Variants in TTC5 observed in about 807,000 individuals in gnomAD.
The protein encoded by TTC5 is tetratricopeptide repeat protein 5.
A neutral mutation model predicts 57.4 loss-of-function variants in TTC5; 46 were observed. The observed-to-expected ratio is 0.80, with a 90% CI of 0.63 to 1.03. The LOEUF is 1.03. Ranked by LOEUF, TTC5 falls within the 50% of genes least tolerant of loss-of-function variation. TTC5 has a pLI of 0.00. For synonymous variants in TTC5, 190 were observed against 203.5 expected (o/e 0.93, Z 0.57); for missense variants, 504 against 528.1 (o/e 0.95, Z 0.45).
chr14:20,299,844 G>A (rs192325081), intron 3 of TTC5, among the ~76,000 whole-genome samples: 443 of 150,602 alleles, frequency 2.9e-3, no homozygotes, highest in Non-Finnish European at 5.5e-3. Context: ...GAGCCACCAC[G>A]CCTGGCCGTA....
At position 20,301,924 on chromosome 14, in the gene TTC5, G is replaced by A. The variant is rs140729593; in HGVS notation, c.93C>T (p.Phe31=). The A allele has an allele frequency of 1.9e-5, 30 of 1,613,892 alleles. No individual in the cohort carries two copies. Among genetic ancestry groups the A allele is most frequent in the African/African-American group, 9.3e-5 (7 of 74,870 alleles). The change falls in exon 2 of 10, where the codon TTC becomes TTT. Residue 31 remains phenylalanine, a synonymous_variant. Coordinates refer to ENST00000258821, the MANE Select transcript of TTC5 (RefSeq NM_138376.3). ...DQLYSFRDCY[F]ETHSVEDAGR... ...CAGCATCCTCAACACTATGTGTCTC[G>A]AAATAGCAGTCTCGAAATGAGTAGA...
chr14:20,300,006 T>G (rs1252146574), intron 3 of TTC5, among the ~76,000 whole-genome samples: 1 of 143,860 alleles, frequency 7.0e-6, no homozygotes, highest in Non-Finnish European at 1.5e-5. Flanking sequence ...GCCCATCTAA[T>G]TTTTGTATTT....
chr14:20,297,608 TAAAAATACAA>T (rs1291146915), intron 5 of TTC5, among the ~76,000 whole-genome samples: 2 of 151,954 alleles, frequency 1.3e-5, no homozygotes, highest in African/African-American at 4.8e-5. Flanking sequence ...CCGCCTCTAC[TAAAAATACAA>T]AAATTAGGCG....
rs757403603 is a variant in TTC5 at position 20,300,639 on chromosome 14, C to A, written c.364G>T (p.Ala122Ser). 3.1e-6 allele frequency: 5 copies of A among 1,613,406 alleles called. No homozygotes were observed. In the South Asian group the frequency reaches 5.5e-5, roughly 18 times the overall value. Residue 122 changes from alanine to serine, a missense_variant, in exon 3 of 10, where the codon GCC becomes TCC. Physicochemically the swap from Ala to Ser is moderately conservative, Grantham distance 99 (BLOSUM62 1). Coordinates refer to ENST00000258821, the MANE Select transcript of TTC5 (RefSeq NM_138376.3). Reference sequence around the variant, plus strand: ...AGGGCTCCTGAGAAGCAGGTGTGGGCAGCTGCAACATCCCCTTTTTTCCAG... The same window carrying A: ...AGGGCTCCTGAGAAGCAGGTGTGGGAAGCTGCAACATCCCCTTTTTTCCAG... ...VYWKKGDVAA[A>S]HTCFSGALTH...
rs1881837337 is a variant in TTC5, at chr14:20,286,343, T to G, written c.*3284A>C. On this transcript the variant is annotated 3_prime_UTR_variant, in exon 10 of 10. Coordinates refer to ENST00000258821, the MANE Select transcript of TTC5 (RefSeq NM_138376.3). ...AAATTGGACAAAAGAAAACAGAGAT[T>G]TCATAGAAAAAGAAACAGGAATGGA... 1 of 151,820 alleles carries G rather than the reference T, an allele frequency of 6.6e-6. No homozygotes were observed. Among genetic ancestry groups the G allele is most frequent in the Admixed American group, 6.6e-5 (1 of 15,240 alleles). 9.4% of individuals were successfully genotyped at this position (151,820 alleles called of 1,614,324 possible).
intron 8 of TTC5, chr14:20,294,681 T>C (rs1882024754): frequency 1.3e-5 from 2 of 151,554 alleles, no homozygotes; most frequent in South Asian, 4.2e-4. Context: ...AGGAAGTGAG[T>C]GAAGGACCAA....
intron 8 of TTC5, chr14:20,295,044 C>A: frequency 7.8e-6 from 3 of 386,154 alleles, no homozygotes; most frequent in Non-Finnish European, 1.4e-5. Flanking sequence ...AAAATATGTC[C>A]TGCCAAATTT....
intron 1 of TTC5, among the ~76,000 whole-genome samples, chr14:20,304,324 T>G (rs1882248201): frequency 6.6e-6 from 1 of 152,160 alleles, no homozygotes; most frequent in Non-Finnish European, 1.5e-5. Context: ...CTCTGCAAAT[T>G]TTATTGTATT....
intron 3 of TTC5, 113 bp downstream of exon 3, chr14:20,300,494 G>C: frequency 1.1e-6 from 1 of 870,472 alleles, no homozygotes; most frequent in Non-Finnish European, 1.7e-6. Context: ...TCCTGATTCT[G>C]TCCTAGTTCA....
At chr14:20,304,607 C>T (rs1882254699) in intron 1 of TTC5, among the ~76,000 whole-genome samples, 2 of 152,202 alleles carry the variant, frequency 1.3e-5, no homozygotes, top group Admixed American at 1.3e-4. Context: ...CGACCCCACC[C>T]CAAGATAACG....
Position 20,288,708 on chromosome 14 carries a change from A to G in TTC5, c.*919T>C, listed in dbSNP as rs1881890767. On this transcript the variant is annotated 3_prime_UTR_variant, in exon 10 of 10. Transcript: ENST00000258821. The stretch of plus-strand genomic sequence containing the variant: ...GGATTACAGGCTGAGCCACCGTGCC[A>G]GGCCAATTCAATTGGTTATTAATCC... The G allele has an allele frequency of 2.0e-5, 3 of 152,254 alleles. No homozygotes were observed. The highest frequency in any genetic ancestry group is 2.0e-4 in the Admixed American group (3 of 15,278). 9.4% of individuals were successfully genotyped at this position (152,254 alleles called of 1,614,324 possible). A position where few individuals can be genotyped will look rare whatever the true frequency, so the allele number is the denominator to read the frequency against.
At chr14:20,301,091 A>G (rs1298320235) in intron 2 of TTC5, among the ~76,000 whole-genome samples, 1 of 152,222 alleles carries the variant, frequency 6.6e-6, no homozygotes, top group Non-Finnish European at 1.5e-5. Context: ...AGAGGGGTTT[A>G]CAATCTAGTG....
At chr14:20,299,189 CT>C in intron 4 of TTC5, 108 bp downstream of exon 4, 1 of 1,247,430 alleles carries the variant, frequency 8.0e-7, no homozygotes, top group Non-Finnish European at 1.1e-6. Context: ...CAAAGATGCC[CT>C]CTCTGGCTTA....
intron 5 of TTC5, among the ~76,000 whole-genome samples, chr14:20,296,783 C>T (rs1267562165): frequency 6.6e-6 from 1 of 152,184 alleles, no homozygotes; most frequent in Non-Finnish European, 1.5e-5. Context: ...AAAGCCAAGG[C>T]TGGCAGATCA....
intron 2 of TTC5, among the ~76,000 whole-genome samples, chr14:20,301,588 G>A (rs1440298400): frequency 2.6e-5 from 4 of 152,220 alleles, no homozygotes; most frequent in Non-Finnish European, 5.9e-5. Flanking sequence ...ATTAGAGGCA[G>A]AAAGTCAGAT....
In TTC5 at chr14:20,295,428, C is replaced by A. The variant is rs1594263593; in HGVS notation, c.942G>T (p.Gly314=). Residue 314 remains glycine (G), a synonymous_variant, in exon 8 of 10, where the codon GGG becomes GGT. Transcript: ENST00000258821. ...GCTTGAGCTCCAGGGTCACTTTCTG[C>A]CCAGAGGCTGACTGATAGTGCCCAT... ...CSDGHYQSAS[G]QKVTLELKPL... 1 of 1,614,158 alleles carries A rather than the reference C, an allele frequency of 6.2e-7. No individual in the cohort carries two copies. The highest frequency in any genetic ancestry group is 2.2e-5 in the East Asian group (1 of 44,882).
At chr14:20,293,670 A>T (rs1364596479) in intron 8 of TTC5, 1 of 152,196 alleles carries the variant, frequency 6.6e-6, no homozygotes, top group Non-Finnish European at 1.5e-5. Flanking sequence ...CTATCTGGAG[A>T]AGTGATAAGG....
intron 4 of TTC5, 147 bp downstream of exon 4, chr14:20,299,151 C>G: frequency 2.2e-6 from 2 of 903,936 alleles, no homozygotes; most frequent in Non-Finnish European, 3.3e-6. Context: ...AAGTAGTTCC[C>G]CAAAATGTCT....
In TTC5 at chr14:20,301,912, A is replaced by G. The variant is rs2138818495; in HGVS notation, c.105T>C (p.Ser35=). The part of the protein sequence containing the change: ...SFRDCYFETH[S]VEDAGRKQQD... ...GTTGCTTCCTCCCAGCATCCTCAAC[A>G]CTATGTGTCTCGAAATAGCAGTCTC... The change falls in exon 2 of 10, where the codon AGT becomes AGC. Residue 35 remains serine, a synonymous_variant. Coordinates refer to ENST00000258821, the MANE Select transcript of TTC5 (RefSeq NM_138376.3). 2 of 1,614,136 alleles carry G rather than the reference A, an allele frequency of 1.2e-6. No individual in the cohort carries two copies. The highest frequency in any genetic ancestry group is 8.5e-7 in the Non-Finnish European group (1 of 1,180,022).
Sources: allele counts gnomAD v4.1 joint callset (sites outside exome capture counted in the v4.1 genomes callset), GRCh38; gene constraint gnomAD v4.1.1; transcripts MANE v1.5; gene names NCBI Gene and HGNC (gene_info 2026-07-23, HGNC 2026-07-21).